The following SLC2A7 variants were observed in gnomAD, a reference collection of about 807,000 sequenced individuals.
SLC2A7 encodes solute carrier family 2 member 7.
Under a neutral mutation model 50.5 loss-of-function variants are expected in SLC2A7, and 50 were observed. That is an observed-to-expected ratio of 0.99 (90% CI 0.79 to 1.25). The LOEUF (loss-of-function observed/expected upper bound fraction) is 1.25, where lower values mean the gene tolerates loss of function less well. Among genes scored for constraint, SLC2A7 ranks in the 50% most tolerant of loss-of-function variants. The pLI is 0.00. For synonymous variants in SLC2A7, 308 were observed against 300.4 expected, an observed-to-expected ratio of 1.03 and a Z score of -0.26; for missense variants, 683 against 679.1, an observed-to-expected ratio of 1.01 and a Z score of -0.06.
chr1:8,995,539 G>T, the SLC2A7 span, among the ~76,000 whole-genome samples: 1 of 150,750 alleles, frequency 6.6e-6, no homozygotes, highest in Non-Finnish European at 1.5e-5. Context: ...AAGGTCAGGA[G>T]TTCGAGACCA....
the SLC2A7 span, among the ~76,000 whole-genome samples, chr1:8,992,857 T>A: frequency 5.7e-3 from 861 of 152,224 alleles, 11 homozygotes; most frequent in African/African-American, 0.02. Context: ...GATTCCAGCC[T>A]TGCAGCCCAG....
At chr1:9,010,080 A>C (rs1205163852) in intron 9 of SLC2A7, 63 bp downstream of exon 9, 3 of 1,471,802 alleles carry the variant, frequency 2.0e-6, no homozygotes, top group Non-Finnish European at 1.9e-6. Flanking sequence ...GGCCCGGTTC[A>C]GTCAGGGGAC....
At chr1:9,014,293 G>A (rs1640792913) in intron 7 of SLC2A7, among the ~76,000 whole-genome samples, 1 of 152,226 alleles carries the variant, frequency 6.6e-6, no homozygotes, top group Non-Finnish European at 1.5e-5. Flanking sequence ...CGCAGAAAGC[G>A]ATGCCACAAA....
chr1:8,997,716 T>C, the SLC2A7 span, among the ~76,000 whole-genome samples: 38 of 152,326 alleles, frequency 2.5e-4, no homozygotes, highest in African/African-American at 8.4e-4. Flanking sequence ...GACTTTCTTA[T>C]GCATTGTACA....
intron 9 of SLC2A7, 97 bp from the exon 10 acceptor site, chr1:9,007,482 T>C: frequency 1.8e-6 from 2 of 1,115,486 alleles, no homozygotes; most frequent in Non-Finnish European, 2.6e-6. Flanking sequence ...AGGGAGGAGC[T>C]GCACCTAGAT....
At chr1:8,996,834 G>A in the SLC2A7 span, among the ~76,000 whole-genome samples, 1 of 152,062 alleles carries the variant, frequency 6.6e-6, no homozygotes, top group East Asian at 1.9e-4. Context: ...GGAGGGCAAT[G>A]GCACGATCTT....
At chr1:9,010,107 G>T in intron 9 of SLC2A7, 36 bp downstream of exon 9, 93 of 1,421,364 alleles carry the variant, frequency 6.5e-5, no homozygotes, top group Non-Finnish European at 8.1e-5. Context: ...CCCTCCCCAT[G>T]ACTCCCCACC....
the SLC2A7 span, among the ~76,000 whole-genome samples, chr1:8,995,415 T>A: frequency 3.4e-5 from 5 of 148,296 alleles, no homozygotes; most frequent in African/African-American, 1.3e-4. Flanking sequence ...GCCACTGCAC[T>A]CCAGCCTGGG....
intron 9 of SLC2A7, 74 bp downstream of exon 9, chr1:9,010,068 CG>C (rs1557648053): frequency 2.2e-6 from 3 of 1,394,026 alleles, no homozygotes; most frequent in Non-Finnish European, 3.0e-6. Context: ...CTTGGTGCAG[CG>C]GGCCCGGTTC....
In SLC2A7 at chr1:9,004,667, T is replaced by G. The variant is rs1169611423; in HGVS notation, c.1320+85A>C. ...GAGAGCCTGTCCCCACCTTGCTGGA[T>G]TCACAGATGTGCTTAGCGGAAGGGG... On this transcript the variant is annotated intron_variant, in intron 11 of 11. Coordinates refer to ENST00000400906, the MANE Select transcript of SLC2A7 (RefSeq NM_207420.3). The G allele has an allele frequency of 2.0e-6, 3 of 1,526,516 alleles. No homozygotes were observed. The Admixed American group carries it at 5.2e-5, about 27-fold the overall frequency. 94.6% of individuals were successfully genotyped at this position (1,526,516 alleles called of 1,614,324 possible).
chr1:8,997,256 T>C, the SLC2A7 span, among the ~76,000 whole-genome samples: 3 of 152,102 alleles, frequency 2.0e-5, no homozygotes, highest in African/African-American at 7.2e-5. Context: ...CAGTGAGCCA[T>C]GATTGTGTCA....
chr1:9,001,028 T>C (rs1351071708), downstream of SLC2A7, among the ~76,000 whole-genome samples: 1 of 151,984 alleles, frequency 6.6e-6, no homozygotes. Context: ...GGAGTCACAA[T>C]AGCTGTCATT....
rs769071889 is a variant in SLC2A7 at position 9,014,741 on chromosome 1, G to A, written c.843C>T (p.Arg281=). Residue 281 remains arginine, a synonymous_variant, in exon 7 of 12, where the codon CGC becomes CGT. Transcript: ENST00000400906. ...GCACGATGATGGAGAGGAGCTGCCA[G>A]CGCAGGGACCGCAGGGCACAGAGGT... ...VLHLCALRSL[R]WQLLSIIVLM... The A allele has an allele frequency of 6.3e-7, 1 of 1,578,352 alleles. No individual in the cohort carries two copies. Among genetic ancestry groups the A allele is most frequent in the East Asian group, 2.3e-5 (1 of 42,910 alleles).
chr1:8,996,811 C>T, the SLC2A7 span, among the ~76,000 whole-genome samples: 5 of 151,164 alleles, frequency 3.3e-5, no homozygotes, highest in Non-Finnish European at 7.4e-5. Context: ...GATGGAGTTT[C>T]GCTCTTGTTG....
Position 9,026,342 on chromosome 1 carries a change from C to T in SLC2A7, c.4G>A (p.Glu2Lys). Residue 2 changes from glutamate (E) to lysine (K), a missense_variant, in exon 1 of 12, where the codon GAG (glutamate) becomes AAG (lysine). Transcript: ENST00000400906. ...GGAGGGGTTCCCGCCTCTTTGTTCT[C>T]CATCCTTGTTCAGGTGGGAGAACAG... is the stretch of plus-strand genomic sequence containing the variant. MENKEAGTPPPI... is the reference protein window; with the variant it reads MKNKEAGTPPPI... 1.9e-6 allele frequency: 3 copies of T among 1,606,882 alleles called. No individual in the cohort carries two copies. The highest frequency in any genetic ancestry group is 2.5e-6 in the Non-Finnish European group (3 of 1,176,496).
At chr1:9,016,117 C>T (rs189420511) in intron 5 of SLC2A7, among the ~76,000 whole-genome samples, 351 of 152,302 alleles carry the variant, frequency 2.3e-3, no homozygotes, top group Non-Finnish European at 2.8e-3. Flanking sequence ...GATTCCCCAG[C>T]TGATGTCTCT....
chr1:9,009,630 G>A (rs780142121), intron 9 of SLC2A7, among the ~76,000 whole-genome samples: 4 of 152,092 alleles, frequency 2.6e-5, no homozygotes, highest in African/African-American at 7.2e-5. Context: ...AAAACGTTTT[G>A]TATTTTTTGT....
chr1:9,026,314 G>A lies in SLC2A7; in HGVS notation c.32C>T (p.Pro11Leu). ...ACTTACCCCCTCCCTGGATGGAATG[G>A]GTGGAGGGGTTCCCGCCTCTTTGTT... is the stretch of plus-strand genomic sequence containing the variant. MENKEAGTPP[P>L]IPSREGRLQP... The change falls in exon 1 of 12, where the codon CCC becomes CTC. Residue 11 changes from proline (P) to leucine (L), a missense_variant. Transcript: ENST00000400906. The A allele has an allele frequency of 6.2e-7, 1 of 1,609,774 alleles. No individual in the cohort carries two copies. The highest frequency in any genetic ancestry group is 8.5e-7 in the Non-Finnish European group (1 of 1,177,994).
rs369951025 is a variant in SLC2A7, at chr1:9,004,718, G to A, written c.1320+34C>T. The A allele has an allele frequency of 5.0e-5, 80 of 1,612,332 alleles. 1 individual carries two copies. The African/African-American group carries it at 7.7e-4, about 16-fold the overall frequency. On this transcript the variant is annotated intron_variant, in intron 11 of 11. Coordinates refer to ENST00000400906, the MANE Select transcript of SLC2A7 (RefSeq NM_207420.3). ...AATACATCTTACTCCCTGGAGGCCC[G>A]GTGGAGCGGGTTGGGGAAGGGGCCC...
Sources: allele counts gnomAD v4.1 joint callset (sites outside exome capture counted in the v4.1 genomes callset), GRCh38; gene constraint gnomAD v4.1.1; transcripts MANE v1.5; gene names NCBI Gene and HGNC (gene_info 2026-07-23, HGNC 2026-07-21).